Variants in INTS6 observed in about 807,000 individuals in gnomAD.
INTS6 encodes the protein integrator complex subunit 6, also known as DEAD box protein.
Under a neutral mutation model 104.9 loss-of-function variants are expected in INTS6, and 16 were observed. That is an observed-to-expected ratio of 0.15 (90% CI 0.10 to 0.23). The LOEUF (loss-of-function observed/expected upper bound fraction) is 0.23. Among genes scored for constraint, INTS6 ranks in the 10% least tolerant of loss-of-function variants. The probability of loss-of-function intolerance (pLI) is 1.00; values close to 1 mark genes in which losing one functional copy is unlikely to be tolerated. For synonymous variants in INTS6, 324 were observed against 358.7 expected, an observed-to-expected ratio of 0.90 and a Z score of 1.09; for missense variants, 584 against 1,062.8, an observed-to-expected ratio of 0.55 and a Z score of 6.26.
intron 4 of INTS6, among the ~76,000 whole-genome samples, chr13:51,411,214 AAAAT>A (rs71085083): frequency 0.014 from 1,951 of 143,022 alleles, 15 homozygotes; most frequent in South Asian, 0.019. Context: ...CTTTGTCTCA[AAAAT>A]AAATAAATAA....
rs17837215 is a variant in INTS6 at position 51,362,268 on chromosome 13, A to G, written c.*3484T>C. ...TTTCTTATCATTTTAGAGTTTTTTC[A>G]GGTCACTAGAGTACACCAGAGTAGT... is the stretch of plus-strand genomic sequence containing the variant. On this transcript the variant is annotated 3_prime_UTR_variant, in exon 18 of 18. Transcript: ENST00000311234. 5,140 of 354,324 alleles carry G rather than the reference A, an allele frequency of 0.015. 90 individuals are homozygous for G. Among genetic ancestry groups the G allele is most frequent in the East Asian group, 0.068 (994 of 14,632 alleles). 21.9% of individuals were successfully genotyped at this position (354,324 alleles called of 1,614,324 possible).
rs1204052344 is a variant in INTS6, at chr13:51,444,971, T to C, written c.339+6054A>G. ...ATACCACCATTAAATTAATGCTCTA[T>C]AGGAAATAAATCATATCCATTTTGT... On this transcript the variant is annotated intron_variant, in intron 3 of 17. Transcript: ENST00000311234. The C allele has an allele frequency of 3.9e-5, 6 of 152,144 alleles. No individual in the cohort carries two copies. The East Asian group carries it at 7.7e-4, about 20-fold the overall frequency. 9.4% of individuals were successfully genotyped at this position (152,144 alleles called of 1,614,324 possible).
rs1463911162 is a variant in INTS6 at position 51,452,560 on chromosome 13, G to A, written c.-35C>T. 1.2e-6 allele frequency: 2 copies of A among 1,601,210 alleles called. No individual in the cohort carries two copies. Among genetic ancestry groups the A allele is most frequent in the African/African-American group, 2.7e-5 (2 of 74,300 alleles). On this transcript the variant is annotated 5_prime_UTR_variant, in exon 1 of 18. Transcript: ENST00000311234. This position sits in a 1 kb window ranked among gnomAD's most constrained non-coding sequence, Gnocchi z 4.2. ...CGGGGACACCGGGGCCCGAGGTGGT[G>A]GAGAAAGAGGAGATGGTAGAGGTGG...
At chr13:51,359,799 G>T (rs548855522), downstream of INTS6, among the ~76,000 whole-genome samples, 1 of 152,148 alleles carries the variant, frequency 6.6e-6, no homozygotes, top group African/African-American at 2.4e-5. Context: ...AAAGCTCTTT[G>T]TAACTTTGGC....
chr13:51,409,081 A>T (rs1428234822), intron 4 of INTS6, among the ~76,000 whole-genome samples: 1 of 151,958 alleles, frequency 6.6e-6, no homozygotes, highest in African/African-American at 2.4e-5. Context: ...CCTTTTGGCC[A>T]TTAGAAGTTA....
rs1953070365 is a variant in INTS6, at chr13:51,452,117, C to A, written c.112-62G>T. ...GAAGCACAGAGGCGAGGTTACGAGG[C>A]GGAGAAGGGGCGCCCAGCGGCCCCG... On this transcript the variant is annotated intron_variant, in intron 1 of 17. Transcript: ENST00000311234. The surrounding 1 kb of genome is among the most constrained non-coding windows in gnomAD (Gnocchi z 4.2). 6.7e-7 allele frequency: 1 copy of A among 1,501,650 alleles called. No homozygotes were observed. The highest frequency in any genetic ancestry group is 1.1e-5 in the South Asian group (1 of 87,942). The allele number at this position is 1,501,650 out of a possible 1,614,324, so 93.0% of individuals were successfully genotyped here.
chr13:51,365,337 C>T lies in INTS6; in HGVS notation c.*415G>A, dbSNP rs1381868082. 1.3e-5 allele frequency: 2 copies of T among 154,648 alleles called. No homozygotes were observed. The highest frequency in any genetic ancestry group is 4.8e-5 in the African/African-American group (2 of 41,380). The allele number at this position is 154,648 out of a possible 1,614,324, so 9.6% of individuals were successfully genotyped here. On this transcript the variant is annotated 3_prime_UTR_variant, in exon 18 of 18. Coordinates refer to ENST00000311234, the MANE Select transcript of INTS6 (RefSeq NM_012141.3). The stretch of plus-strand genomic sequence containing the variant: ...ATCCAAAATAACTGTATATACAAAA[C>T]ATTACCTAGTTTTAATGTATGTGCT...
intron 3 of INTS6, among the ~76,000 whole-genome samples, chr13:51,435,448 T>C (rs1957169518): frequency 6.6e-6 from 1 of 152,016 alleles, no homozygotes. Context: ...TTTCCTATTA[T>C]AGTTCTCTCA....
chr13:51,341,397 ACACT>A, the INTS6 span: 3 of 1,506,106 alleles, frequency 2.0e-6, no homozygotes, highest in Non-Finnish European at 2.7e-6. Context: ...GTTCACACTC[ACACT>A]CTCTCCAGCT....
downstream of INTS6, among the ~76,000 whole-genome samples, chr13:51,357,895 G>C (rs1210530051): frequency 1.3e-5 from 2 of 152,114 alleles, no homozygotes; most frequent in Non-Finnish European, 2.9e-5. Context: ...TAAGTAGGTA[G>C]TTTCCAATCT....
downstream of INTS6, among the ~76,000 whole-genome samples, chr13:51,353,382 T>G (rs1955429685): frequency 6.6e-6 from 1 of 152,206 alleles, no homozygotes; most frequent in African/African-American, 2.4e-5. Context: ...CAAGGATTCA[T>G]TCATTTAATC....
chr13:51,420,332 A>AT (rs199571769), intron 4 of INTS6, among the ~76,000 whole-genome samples: 1,693 of 150,252 alleles, frequency 0.011, 26 homozygotes, highest in East Asian at 0.071. Flanking sequence ...TAGGTGGTTC[A>AT]TTTAAAAAAA....
intron 3 of INTS6, chr13:51,438,331 T>C (rs984233675): frequency 1.3e-5 from 2 of 151,712 alleles, no homozygotes; most frequent in Non-Finnish European, 2.9e-5. Context: ...TCTAACTACA[T>C]AATACTTGTG....
chr13:51,343,675 C>T, the INTS6 span, among the ~76,000 whole-genome samples: 1 of 152,152 alleles, frequency 6.6e-6, no homozygotes, highest in Non-Finnish European at 1.5e-5. Flanking sequence ...CTTACTTTTC[C>T]TCTGTATTTC....
downstream of INTS6, among the ~76,000 whole-genome samples, chr13:51,357,263 T>C (rs1269812848): frequency 6.6e-6 from 1 of 152,206 alleles, no homozygotes; most frequent in African/African-American, 2.4e-5. Flanking sequence ...CTTAATATTC[T>C]AGAGACAGGG....
At chr13:51,440,337 A>G (rs1205986207) in intron 3 of INTS6, 1 of 151,162 alleles carries the variant, frequency 6.6e-6, no homozygotes, top group East Asian at 1.9e-4. Flanking sequence ...TTATACAGCT[A>G]TGTTTGTATC....
At chr13:51,416,269 T>C (rs1026575404) in intron 4 of INTS6, among the ~76,000 whole-genome samples, 4 of 152,212 alleles carry the variant, frequency 2.6e-5, no homozygotes, top group Non-Finnish European at 5.9e-5. Context: ...AGTTCTTCTA[T>C]TTGTTTCATT....
intron 3 of INTS6, 81 bp from the exon 4 acceptor site, chr13:51,430,464 A>AAAAAG: frequency 1.1e-6 from 1 of 942,684 alleles, no homozygotes; most frequent in Admixed American, 2.2e-5. Context: ...AGAACAGCAT[A>AAAAAG]TATACGATCT....
chr13:51,374,871 T>C (rs1955886784), intron 13 of INTS6, 75 bp from the exon 14 acceptor site: 2 of 1,448,840 alleles, frequency 1.4e-6, no homozygotes, highest in Non-Finnish European at 1.9e-6. Context: ...TATATATGAA[T>C]GCTACCTAGT....
Sources: allele counts gnomAD v4.1 joint callset (sites outside exome capture counted in the v4.1 genomes callset), GRCh38; gene constraint gnomAD v4.1.1; non-coding constraint Gnocchi (gnomAD v3.1); transcripts MANE v1.5; gene names NCBI Gene and HGNC (gene_info 2026-07-23, HGNC 2026-07-21).